Variants in BIRC6 observed in about 807,000 individuals in gnomAD.
The protein encoded by BIRC6 is dual E2 ubiquitin-conjugating enzyme/E3 ubiquitin-protein ligase BIRC6.
Under a neutral mutation model 503.3 loss-of-function variants are expected in BIRC6, and 98 were observed. The observed-to-expected ratio is 0.19, with a 90% confidence interval of 0.17 to 0.23. The LOEUF (loss-of-function observed/expected upper bound fraction) is 0.23. BIRC6 is among the 10% of genes least tolerant of loss of function. The pLI is 1.00. For missense variants in BIRC6, 5,360 were observed against 5,806.0 expected (o/e 0.92, Z 2.50); for synonymous variants, 2,240 against 2,078.7 (o/e 1.08, Z -2.11).
chr2:32,545,608 T>A, intron 62 of BIRC6, 35 bp from the exon 63 acceptor site: 1 of 1,551,482 alleles, frequency 6.4e-7, no homozygotes, highest in Non-Finnish European at 8.9e-7. Flanking sequence ...TTTTAACTGT[T>A]TTTAATCTTG....
intron 23 of BIRC6, among the ~76,000 whole-genome samples, chr2:32,462,954 CAAA>C (rs544469284): frequency 1.4e-4 from 9 of 64,922 alleles, no homozygotes; most frequent in Admixed American, 3.4e-4. Context: ...GACCCTGTCT[CAAA>C]AAAAAAAAAA....
At position 32,531,453 on chromosome 2, in the gene BIRC6, T is replaced by C. The variant is rs1247063326; in HGVS notation, c.12193T>C (p.Cys4065Arg). The C allele has an allele frequency of 6.2e-7, 1 of 1,613,800 alleles. No homozygotes were observed. Among genetic ancestry groups the C allele is most frequent in the Non-Finnish European group, 8.5e-7 (1 of 1,179,852 alleles). Residue 4065 changes from cysteine to arginine, a missense_variant, in exon 61 of 74, where the codon TGT becomes CGT. Physicochemically the swap from Cys to Arg is radical, Grantham distance 180. Transcript: ENST00000421745. The stretch of plus-strand genomic sequence containing the variant: ...ACTGGATGAATCTTTGCTTGAAACC[T>C]GTCCAATTCAGTCACCATTACAAGT... ...GILDESLLET[C>R]PIQSPLQVFA... is the part of the protein sequence containing the mutation.
In BIRC6 at chr2:32,448,851, G is replaced by T; in HGVS notation, c.4541G>T (p.Gly1514Val). The T allele has an allele frequency of 6.2e-7, 1 of 1,613,154 alleles. No individual in the cohort carries two copies. The highest frequency in any genetic ancestry group is 8.5e-7 in the Non-Finnish European group (1 of 1,179,268). The change falls in exon 22 of 74, where the codon GGC becomes GTC. Residue 1514 changes from glycine (G) to valine (V), a missense_variant. Transcript: ENST00000421745. Reference protein sequence around the residue: ...DPVLFDLEMSGSSCKNVYNSS... With the variant: ...DPVLFDLEMSVSSCKNVYNSS... ...GTCCTCTTTGATTTGGAGATGAGTG[G>T]CTCTTCTTGTAAAAATGTTTATAAC...
rs1311575235 is a variant in BIRC6 at position 32,618,840 on chromosome 2, A to G, written c.*936A>G. The G allele has an allele frequency of 6.6e-6, 1 of 152,570 alleles. No homozygotes were observed. The highest frequency in any genetic ancestry group is 6.6e-5 in the Admixed American group (1 of 15,266). 9.5% of individuals were successfully genotyped at this position (152,570 alleles called of 1,614,324 possible). A position where few individuals can be genotyped will look rare whatever the true frequency, so the allele number is the denominator to read the frequency against. ...TGCCATACAGGCTCATTTTCATGCA[A>G]ATTCTTCCTAGAGCCAAATAAATAA... On this transcript the variant is annotated 3_prime_UTR_variant, in exon 74 of 74. Transcript: ENST00000421745.
At chr2:32,439,377 A>G (rs1238058469) in intron 15 of BIRC6, 131 bp from the exon 16 acceptor site, 2 of 863,268 alleles carry the variant, frequency 2.3e-6, no homozygotes, top group Non-Finnish European at 3.5e-6. Context: ...CTGCTCAAAC[A>G]GTATAATTTG....
chr2:32,389,441 C>T (rs2038926424), intron 4 of BIRC6, among the ~76,000 whole-genome samples: 1 of 150,472 alleles, frequency 6.6e-6, no homozygotes, highest in South Asian at 2.1e-4. Flanking sequence ...ATTTTTTATG[C>T]TGCTCGCCCT....
chr2:32,523,611 G>A (rs1004092927), intron 57 of BIRC6: 1 of 152,188 alleles, frequency 6.6e-6, no homozygotes. Flanking sequence ...TTAGCAATTA[G>A]TATTAAGAAG....
At chr2:32,407,927 A>G (rs954806057) in intron 9 of BIRC6, among the ~76,000 whole-genome samples, 1 of 152,062 alleles carries the variant, frequency 6.6e-6, no homozygotes, top group African/African-American at 2.4e-5. Flanking sequence ...TTCTTTTGCA[A>G]AAACATAAGA....
At position 32,435,488 on chromosome 2, in the gene BIRC6, G is replaced by A; in HGVS notation, c.3410-8G>A. ...TAGATAGGCAGATCACCTTTCCTTT[G>A]TCTCCAGCTCTTAACATTGAAGTGG... is the stretch of plus-strand genomic sequence containing the variant. On this transcript the variant is annotated splice_region_variant and splice_polypyrimidine_tract_variant and intron_variant, in intron 13 of 73. Transcript: ENST00000421745. The A allele has an allele frequency of 6.5e-7, 1 of 1,548,988 alleles. No individual in the cohort carries two copies. Among genetic ancestry groups the A allele is most frequent in the Non-Finnish European group, 8.7e-7 (1 of 1,146,306 alleles).
intron 3 of BIRC6, among the ~76,000 whole-genome samples, chr2:32,381,387 G>C (rs2037623257): frequency 6.6e-6 from 1 of 150,924 alleles, no homozygotes; most frequent in East Asian, 2.0e-4. Context: ...TTACAGGCGT[G>C]CGCCACCACG....
chr2:32,368,042 C>G (rs2035221712), intron 1 of BIRC6, among the ~76,000 whole-genome samples: 1 of 152,186 alleles, frequency 6.6e-6, no homozygotes, highest in South Asian at 2.1e-4. Flanking sequence ...GTAGGAGAGA[C>G]AGAAGACTGG....
chr2:32,592,829 A>C (rs2061467560), intron 66 of BIRC6, among the ~76,000 whole-genome samples: 2 of 152,152 alleles, frequency 1.3e-5, no homozygotes, highest in Admixed American at 6.6e-5. Context: ...TCCCAACCTC[A>C]GGTGTTCCAC....
intron 10 of BIRC6, among the ~76,000 whole-genome samples, chr2:32,425,834 C>T (rs952668650): frequency 6.6e-5 from 10 of 152,182 alleles, no homozygotes; most frequent in Non-Finnish European, 1.5e-4. Context: ...AACCAAAATG[C>T]ACAACCCTAT....
intron 1 of BIRC6, among the ~76,000 whole-genome samples, chr2:32,371,197 C>G (rs1284472556): frequency 1.1e-5 from 1 of 89,270 alleles, no homozygotes; most frequent in African/African-American, 4.6e-5. Context: ...GCCTGGGCAA[C>G]AGAGTGAGAC....
intron 27 of BIRC6, 33 bp from the exon 28 acceptor site, chr2:32,467,870 G>A: frequency 6.5e-7 from 1 of 1,532,586 alleles, no homozygotes; most frequent in Non-Finnish European, 8.9e-7. Flanking sequence ...TGGCAGATGT[G>A]TATATATGTA....
intron 21 of BIRC6, among the ~76,000 whole-genome samples, chr2:32,446,960 G>C (rs1230870107): frequency 9.4e-6 from 1 of 106,932 alleles, no homozygotes; most frequent in Admixed American, 1.0e-4. Flanking sequence ...GACTCTTAAC[G>C]AGCATGCTGC....
At chr2:32,598,262 T>A (rs1238524216) in intron 69 of BIRC6, among the ~76,000 whole-genome samples, 6 of 151,750 alleles carry the variant, frequency 4.0e-5, no homozygotes, top group Admixed American at 6.6e-5. Context: ...TGGATCACGC[T>A]GCTGTTGAAA....
rs1410278657 is a variant in BIRC6, at chr2:32,433,784, C to T, written c.3389C>T (p.Pro1130Leu). 6.4e-7 allele frequency: 1 copy of T among 1,574,600 alleles called. No individual in the cohort carries two copies. The highest frequency in any genetic ancestry group is 8.7e-7 in the Non-Finnish European group (1 of 1,151,234). ...GTGACACTGCTGAAAAATAAAGCTC[C>T]AGGATTAGGGAAAGTCAATGGTAAG... The part of the protein sequence containing the change: ...IQVTLLKNKA[P>L]GLGKVNALNI... Residue 1130 changes from proline (P) to leucine (L), a missense_variant, in exon 13 of 74, where the codon CCA becomes CTA. Physicochemically the swap from Pro to Leu is moderately conservative, Grantham distance 98. Around this residue, in one of 16 missense-constraint regions of BIRC6, gnomAD observed 2,299 missense variants for 2,267.2 expected, o/e 1.01. Transcript: ENST00000421745.
intron 57 of BIRC6, chr2:32,523,077 G>A (rs977185604): frequency 1.3e-5 from 2 of 152,282 alleles, no homozygotes; most frequent in East Asian, 1.9e-4. Context: ...TGTCTGAAAA[G>A]TATTGTTAAT....
Sources: allele counts gnomAD v4.1 joint callset (sites outside exome capture counted in the v4.1 genomes callset), GRCh38; gene constraint gnomAD v4.1.1; regional missense constraint gnomAD v4.1.1; transcripts MANE v1.5; gene names NCBI Gene and HGNC (gene_info 2026-07-23, HGNC 2026-07-21).